The following PIGL variants were observed in gnomAD, a reference collection of about 807,000 sequenced individuals.
PIGL encodes phosphatidylinositol glycan anchor biosynthesis class L.
PIGL carries 22 observed loss-of-function variants against 31.1 expected under a neutral mutation model. That is an observed-to-expected ratio of 0.71 (90% CI 0.51 to 1.01). The LOEUF is 1.01. Ranked by LOEUF, PIGL falls within the 50% of genes least tolerant of loss-of-function variation. PIGL has a pLI of 0.00. For synonymous variants in PIGL, 131 were observed against 117.4 expected (o/e 1.12, Z -0.75); for missense variants, 302 against 315.9 (o/e 0.96, Z 0.33).
intron 1 of PIGL, among the ~76,000 whole-genome samples, chr17:16,227,998 ATAT>A (rs1366357644): frequency 6.6e-6 from 1 of 151,568 alleles, no homozygotes; most frequent in Non-Finnish European, 1.5e-5. Flanking sequence ...CCAGTTTTTA[ATAT>A]TATTTAAATT....
rs138467285 is a variant in PIGL at position 16,299,992 on chromosome 17, T to C, written c.426+14T>C. 16 of 1,602,370 alleles carry C rather than the reference T, an allele frequency of 1.0e-5. No homozygotes were observed. The East Asian group carries it at 3.6e-4, about 36-fold the overall frequency. On this transcript the variant is annotated intron_variant, in intron 3 of 6. Coordinates refer to ENST00000225609, the MANE Select transcript of PIGL (RefSeq NM_004278.4). ...GGCATCAATCTGGTAAGGGGGCAGC[T>C]CCCTGAATGGAAAACCTGAGGTCTT...
intron 2 of PIGL, among the ~76,000 whole-genome samples, chr17:16,275,637 C>T (rs1452625680): frequency 6.6e-6 from 1 of 152,166 alleles, no homozygotes; most frequent in Non-Finnish European, 1.5e-5. Flanking sequence ...GAAGATCCAT[C>T]TTCTGTGACT....
intron 2 of PIGL, among the ~76,000 whole-genome samples, chr17:16,249,338 G>T (rs2142723077): frequency 6.6e-6 from 1 of 152,228 alleles, no homozygotes; most frequent in East Asian, 1.9e-4. Context: ...AATTAGCTGG[G>T]CATGGTGGCG....
At chr17:16,296,857 C>A (rs2142829702) in intron 2 of PIGL, among the ~76,000 whole-genome samples, 1 of 151,852 alleles carries the variant, frequency 6.6e-6, no homozygotes, top group East Asian at 2.0e-4. Context: ...GCTGGGACTA[C>A]AGGCGCCCGC....
chr17:16,277,654 T>G (rs1300738596), intron 2 of PIGL, among the ~76,000 whole-genome samples: 1 of 152,188 alleles, frequency 6.6e-6, no homozygotes, highest in Non-Finnish European at 1.5e-5. Context: ...ATTTACAAAG[T>G]TATTAGAAAC....
chr17:16,234,520 T>C (rs1311011189), intron 2 of PIGL, among the ~76,000 whole-genome samples: 1 of 152,110 alleles, frequency 6.6e-6, no homozygotes, highest in South Asian at 2.1e-4. Flanking sequence ...TCCCAGCACT[T>C]TGGGAGGCCG....
chr17:16,251,846 C>G (rs190794769), intron 2 of PIGL, among the ~76,000 whole-genome samples: 38 of 152,034 alleles, frequency 2.5e-4, no homozygotes, highest in Middle Eastern at 3.4e-3. Flanking sequence ...ACAGCTATTT[C>G]ATTATGCATG....
chr17:16,303,192 C>G (rs1209951963), intron 3 of PIGL, among the ~76,000 whole-genome samples: 4 of 152,156 alleles, frequency 2.6e-5, no homozygotes, highest in African/African-American at 9.6e-5. Context: ...TTTGATGAGC[C>G]CTTTTTGAGG....
At chr17:16,232,974 C>T (rs1485319504) in intron 1 of PIGL, among the ~76,000 whole-genome samples, 4 of 151,846 alleles carry the variant, frequency 2.6e-5, no homozygotes, top group African/African-American at 4.8e-5. Context: ...AAAAATTAGC[C>T]CGGTGTGGTG....
chr17:16,219,143 T>C (rs1462273450), intron 1 of PIGL, among the ~76,000 whole-genome samples: 1 of 150,566 alleles, frequency 6.6e-6, no homozygotes, highest in Non-Finnish European at 1.5e-5. Context: ...CTCGGCTCAC[T>C]GTAAGTTCTG....
intron 2 of PIGL, among the ~76,000 whole-genome samples, chr17:16,293,861 C>T (rs185562477): frequency 2.0e-5 from 3 of 152,214 alleles, no homozygotes; most frequent in Non-Finnish European, 2.9e-5. Flanking sequence ...AAATCAGGTA[C>T]GAAGTGGGGT....
intron 2 of PIGL, among the ~76,000 whole-genome samples, chr17:16,245,821 T>TA (rs1491505423): frequency 6.2e-3 from 267 of 42,858 alleles, no homozygotes; most frequent in Non-Finnish European, 1.0e-2. Context: ...TATATATATA[T>TA]TTTTTTTTGA....
At chr17:16,247,686 G>A (rs192200591) in intron 2 of PIGL, among the ~76,000 whole-genome samples, 2 of 152,286 alleles carry the variant, frequency 1.3e-5, no homozygotes, top group African/African-American at 2.4e-5. Context: ...GAAGGACGAC[G>A]CATGTTTGCA....
intron 5 of PIGL, chr17:16,316,975 G>A: frequency 7.9e-7 from 1 of 1,264,430 alleles, no homozygotes; most frequent in Non-Finnish European, 1.0e-6. Context: ...CAGGGTGGAT[G>A]TTTTACACCT....
intron 1 of PIGL, among the ~76,000 whole-genome samples, chr17:16,231,354 C>T (rs2142667628): frequency 6.6e-6 from 1 of 151,354 alleles, no homozygotes; most frequent in East Asian, 1.9e-4. Context: ...CCCACTTCAG[C>T]CTCCCGAGTC....
intron 2 of PIGL, among the ~76,000 whole-genome samples, chr17:16,249,206 A>G (rs1287166830): frequency 6.6e-6 from 1 of 152,222 alleles, no homozygotes; most frequent in Non-Finnish European, 1.5e-5. Flanking sequence ...GGCTGGGCAC[A>G]GTGCACTCAC....
chr17:16,277,062 C>A (rs1160247637), intron 2 of PIGL, among the ~76,000 whole-genome samples: 1 of 152,238 alleles, frequency 6.6e-6, no homozygotes, highest in African/African-American at 2.4e-5. Flanking sequence ...CTTGAGATCC[C>A]AAGATAACTT....
chr17:16,297,880 G>A (rs750987600), intron 2 of PIGL, among the ~76,000 whole-genome samples: 1 of 152,194 alleles, frequency 6.6e-6, no homozygotes, highest in South Asian at 2.1e-4. Context: ...GTACAGGTCC[G>A]TGGCCTGTTA....
At chr17:16,270,146 G>C (rs1306432802) in intron 2 of PIGL, among the ~76,000 whole-genome samples, 1 of 151,918 alleles carries the variant, frequency 6.6e-6, no homozygotes, top group Non-Finnish European at 1.5e-5. Flanking sequence ...AAAATTAGCT[G>C]GGCATGGTGG....
Sources: gnomAD v4.1 joint callset for allele counts (sites outside exome capture counted in the v4.1 genomes callset) on GRCh38, gnomAD v4.1.1 for gene constraint, MANE v1.5 for transcripts, NCBI Gene and HGNC (gene_info 2026-07-23, HGNC 2026-07-21) for gene names.